SPAG1: variants seen among roughly 807,000 people sequenced by gnomAD.
SPAG1 encodes sperm associated antigen 1.
In SPAG1, 69 loss-of-function variants were observed where a neutral mutation model predicts 100.5. That is an observed-to-expected ratio of 0.69 (90% CI 0.57 to 0.84). SPAG1 has a LOEUF of 0.84. Among genes scored for constraint, SPAG1 ranks in the 40% least tolerant of loss-of-function variants. The pLI, the probability that SPAG1 is intolerant of heterozygous loss-of-function variation, is 0.00. For synonymous variants in SPAG1, 336 were observed against 411.6 expected (o/e 0.82, Z 2.22); for missense variants, 955 against 1,133.1 (o/e 0.84, Z 2.26).
At chr8:100,163,287 T>G (rs1432636551) in intron 2 of SPAG1, among the ~76,000 whole-genome samples, 1 of 152,226 alleles carries the variant, frequency 6.6e-6, no homozygotes, top group Non-Finnish European at 1.5e-5. Context: ...GAACATGTGT[T>G]TTTAACAATG....
intron 15 of SPAG1, among the ~76,000 whole-genome samples, chr8:100,231,887 G>A (rs1002254437): frequency 2.6e-5 from 4 of 151,974 alleles, no homozygotes; most frequent in Non-Finnish European, 5.9e-5. Flanking sequence ...GCGTGAACCC[G>A]GGAGGCAGAG....
intron 1 of SPAG1, among the ~76,000 whole-genome samples, chr8:100,159,805 G>A (rs1815226523): frequency 6.6e-6 from 1 of 152,214 alleles, no homozygotes; most frequent in African/African-American, 2.4e-5. Flanking sequence ...CCTGCAGTTT[G>A]AAAATCACTG....
At chr8:100,182,910 AATAC>A (rs1156720916) in intron 4 of SPAG1, among the ~76,000 whole-genome samples, 2 of 152,158 alleles carry the variant, frequency 1.3e-5, no homozygotes, top group Non-Finnish European at 2.9e-5. Flanking sequence ...TAATAACTGT[AATAC>A]TGAAGTTATT....
At chr8:100,225,613 C>T (rs1334983397) in intron 14 of SPAG1, among the ~76,000 whole-genome samples, 1 of 151,790 alleles carries the variant, frequency 6.6e-6, no homozygotes, top group Non-Finnish European at 1.5e-5. Flanking sequence ...CATGTACCAC[C>T]ACACCTGGCT....
At chr8:100,228,567 G>C (rs1216235191) in intron 14 of SPAG1, among the ~76,000 whole-genome samples, 1 of 152,014 alleles carries the variant, frequency 6.6e-6, no homozygotes, top group African/African-American at 2.4e-5. Flanking sequence ...ACAAAAATTA[G>C]CTGAGCATGG....
chr8:100,186,977 G>T, intron 7 of SPAG1, 143 bp from the exon 8 acceptor site: 1 of 600,942 alleles, frequency 1.7e-6, no homozygotes. Flanking sequence ...TGTGGGGTTA[G>T]GACTTCAACA....
In SPAG1 at chr8:100,241,179, A is replaced by ACATG; in HGVS notation, c.*157_*158insCATG. 1 of 519,868 alleles carries ACATG rather than the reference A, an allele frequency of 1.9e-6. No homozygotes were observed. Among genetic ancestry groups the ACATG allele is most frequent in the Non-Finnish European group, 3.2e-6 (1 of 312,380 alleles). The allele number at this position is 519,868 out of a possible 1,614,324, so 32.2% of individuals were successfully genotyped here. A position where few individuals can be genotyped will look rare whatever the true frequency, so the allele number is the denominator to read the frequency against. ...TTATTTTCCTACATAGAACATGTAT[A>ACATG]TTCTACAATCTGCTTTTTATTAGTT... On this transcript the variant is annotated 3_prime_UTR_variant, in exon 19 of 19. Coordinates refer to ENST00000388798, the MANE Select transcript of SPAG1 (RefSeq NM_003114.5). This position sits in a 1 kb window ranked among gnomAD's most constrained non-coding sequence, Gnocchi z 5.1.
chr8:100,237,272 G>T (rs1011196380), intron 16 of SPAG1, among the ~76,000 whole-genome samples: 1 of 152,054 alleles, frequency 6.6e-6, no homozygotes, highest in African/African-American at 2.4e-5. Flanking sequence ...GTAGAGACGG[G>T]GTTTAGCTGT....
chr8:100,240,682 A>T lies in SPAG1; in HGVS notation c.2560A>T (p.Ile854Phe), dbSNP rs779684298. The T allele has an allele frequency of 8.7e-6, 14 of 1,614,004 alleles. No homozygotes were observed. In the South Asian group the frequency reaches 1.5e-4, roughly 18 times the overall value. Residue 854 changes from isoleucine to phenylalanine, a missense_variant, in exon 18 of 19, where the codon ATT becomes TTT. Transcript: ENST00000388798. ...KLEGDTFLLL[I>F]QSLKNNLIEK... ...TGAAGGGGATACATTCCTTCTCCTC[A>T]TTCAGTCTCTGAAAAATAATCTTAT... is the stretch of plus-strand genomic sequence containing the variant.
chr8:100,212,024 A>G (rs1817737768), intron 10 of SPAG1, among the ~76,000 whole-genome samples: 1 of 152,264 alleles, frequency 6.6e-6, no homozygotes, highest in African/African-American at 2.4e-5. Context: ...TACTGGGTTT[A>G]ATCTGCAGAT....
chr8:100,220,729 C>T (rs377544776), intron 13 of SPAG1, among the ~76,000 whole-genome samples: 5 of 152,092 alleles, frequency 3.3e-5, no homozygotes, highest in African/African-American at 1.2e-4. Context: ...CTCATATGTG[C>T]TGCTTAAATA....
At position 100,240,438 on chromosome 8, in the gene SPAG1, A is replaced by G. The variant is rs779086994; in HGVS notation, c.2316A>G (p.Ala772=). 1 of 1,610,896 alleles carries G rather than the reference A, an allele frequency of 6.2e-7. No homozygotes were observed. The highest frequency in any genetic ancestry group is 1.1e-5 in the South Asian group (1 of 90,598). Residue 772 remains alanine (A), a synonymous_variant, in exon 18 of 19, where the codon GCA becomes GCG. Transcript: ENST00000388798. ...GCAAGGAGGAGCCTGGAAGACCTGC[A>G]GGGGAGGTCTCCATGGGATGCCTTG... is the stretch of plus-strand genomic sequence containing the variant. ...NEGKEEPGRP[A]GEVSMGCLAS...
intron 16 of SPAG1, among the ~76,000 whole-genome samples, chr8:100,235,908 A>G (rs1818984981): frequency 6.6e-6 from 1 of 152,148 alleles, no homozygotes. Context: ...GTATGGCACC[A>G]CAAATTAAAA....
intron 10 of SPAG1, among the ~76,000 whole-genome samples, chr8:100,204,673 G>A (rs1817430801): frequency 6.6e-6 from 1 of 152,192 alleles, no homozygotes; most frequent in South Asian, 2.1e-4. Context: ...AACTGGATTA[G>A]TCACTTTAGA....
At chr8:100,167,687 TTTA>T (rs1256837384) in intron 3 of SPAG1, among the ~76,000 whole-genome samples, 2 of 152,228 alleles carry the variant, frequency 1.3e-5, no homozygotes, top group African/African-American at 4.8e-5. Context: ...TTTAATCAGC[TTTA>T]TTGAGATAAA....
intron 12 of SPAG1, among the ~76,000 whole-genome samples, chr8:100,218,497 T>C (rs1304159145): frequency 1.3e-5 from 2 of 152,218 alleles, no homozygotes; most frequent in Non-Finnish European, 2.9e-5. Context: ...TAAACTAAGC[T>C]AAATTTAAGG....
At chr8:100,187,716 A>G (rs1816646560) in intron 8 of SPAG1, among the ~76,000 whole-genome samples, 1 of 152,128 alleles carries the variant, frequency 6.6e-6, no homozygotes, top group African/African-American at 2.4e-5. Context: ...TCCAAAAAAA[A>G]TTAAGTATAA....
intron 4 of SPAG1, among the ~76,000 whole-genome samples, chr8:100,180,978 C>T (rs370235464): frequency 6.6e-5 from 10 of 152,044 alleles, no homozygotes; most frequent in South Asian, 4.2e-4. Context: ...TTGAGGAGTG[C>T]GAGAGTGTCA....
At chr8:100,161,705 A>G (rs1003388117) in intron 1 of SPAG1, among the ~76,000 whole-genome samples, 7 of 152,198 alleles carry the variant, frequency 4.6e-5, no homozygotes, top group Non-Finnish European at 7.3e-5. Flanking sequence ...GAGACAAGAT[A>G]AGGGTAATTG....
Sources: allele counts gnomAD v4.1 joint callset (sites outside exome capture counted in the v4.1 genomes callset), GRCh38; gene constraint gnomAD v4.1.1; non-coding constraint Gnocchi (gnomAD v3.1); transcripts MANE v1.5; gene names NCBI Gene and HGNC (gene_info 2026-07-23, HGNC 2026-07-21).